RIMKLB: variants seen among roughly 807,000 people sequenced by gnomAD.
RIMKLB encodes the protein beta-citrylglutamate synthase B.
RIMKLB carries 7 observed loss-of-function variants against 32.0 expected under a neutral mutation model. The observed-to-expected ratio is 0.22, with a 90% confidence interval of 0.12 to 0.41. RIMKLB has a LOEUF of 0.41. Among genes scored for constraint, RIMKLB ranks in the 10% least tolerant of loss-of-function variants. The pLI is 1.00. For synonymous variants in RIMKLB, 172 were observed against 185.1 expected (o/e 0.93, Z 0.57); for missense variants, 289 against 498.7 (o/e 0.58, Z 4.00).
chr12:8,775,892 A>C lies in RIMKLB; in HGVS notation c.*2108A>C. 1 of 985,212 alleles carries C rather than the reference A, an allele frequency of 1.0e-6. No individual in the cohort carries two copies. The highest frequency in any genetic ancestry group is 1.2e-6 in the Non-Finnish European group (1 of 829,740). 61.0% of individuals were successfully genotyped at this position (985,212 alleles called of 1,614,324 possible). Reference sequence around the variant, plus strand: ...CAGGGTAAATGGGGGACTCACATACATATATTAATACCTCTGACTCATTAA... The same window carrying C: ...CAGGGTAAATGGGGGACTCACATACCTATATTAATACCTCTGACTCATTAA... On this transcript the variant is annotated 3_prime_UTR_variant, in exon 6 of 6. Transcript: ENST00000535829.
chr12:8,732,756 T>TATACACACACACACACACAC (rs1213499853), intron 2 of RIMKLB, among the ~76,000 whole-genome samples: 2 of 150,048 alleles, frequency 1.3e-5, no homozygotes, highest in African/African-American at 5.0e-5. Context: ...TATATATATA[T>TATACACACACACACACACAC]ACACACACAC....
chr12:8,738,108 T>C (rs1169700781), intron 2 of RIMKLB, among the ~76,000 whole-genome samples: 5 of 152,160 alleles, frequency 3.3e-5, no homozygotes, highest in Non-Finnish European at 4.4e-5. Context: ...ATTGTCAGGG[T>C]TAGGGACAGT....
downstream of RIMKLB, chr12:8,779,174 A>G (rs899353981): frequency 5.3e-5 from 8 of 152,242 alleles, no homozygotes; most frequent in Non-Finnish European, 1.0e-4. Context: ...ATGTGATTGT[A>G]TAAGGCATGG....
Position 8,752,039 on chromosome 12 carries a change from C to T in RIMKLB, c.489C>T (p.His163=), listed in dbSNP as rs1948658866. ...TGGTAGTAAAGAATACGCGGGGTCA[C>T]AGAGGTATGTATGAGTTGTTGGTAA... ...FPMVVKNTRG[H]RGKAVFLARD... Residue 163 remains histidine (H), a synonymous_variant, in exon 4 of 6, where the codon CAC becomes CAT. Transcript: ENST00000535829. The T allele has an allele frequency of 1.3e-6, 2 of 1,595,156 alleles. No homozygotes were observed. Among genetic ancestry groups the T allele is most frequent in the Admixed American group, 3.3e-5 (2 of 59,860 alleles).
downstream of RIMKLB, chr12:8,777,588 A>C (rs1178294877): frequency 7.8e-7 from 1 of 1,288,090 alleles, no homozygotes; most frequent in Non-Finnish European, 1.0e-6. Flanking sequence ...GTTCTTTACC[A>C]GCCTTTTCAG....
upstream of RIMKLB, among the ~76,000 whole-genome samples, chr12:8,693,457 C>T (rs1643023862): frequency 6.7e-6 from 1 of 150,316 alleles, no homozygotes; most frequent in South Asian, 2.1e-4. Flanking sequence ...AGTGCAGTGG[C>T]ACTATCTCAG....
chr12:8,752,066 G>C, intron 4 of RIMKLB, 23 bp downstream of exon 4: 1 of 1,466,480 alleles, frequency 6.8e-7, no homozygotes. Flanking sequence ...TGTTGGTAAG[G>C]TATATAGTTT....
chr12:8,683,249 A>G (rs1234786072), intron 1 of RIMKLB, among the ~76,000 whole-genome samples: 1 of 152,196 alleles, frequency 6.6e-6, no homozygotes, highest in Admixed American at 6.5e-5. Flanking sequence ...TGTGGGCACT[A>G]AGTTTCCTCT....
downstream of RIMKLB, chr12:8,777,249 A>G (rs1252618416): frequency 4.3e-6 from 4 of 938,970 alleles, no homozygotes; most frequent in Non-Finnish European, 5.0e-6. Flanking sequence ...TTCTTCTTAA[A>G]AAAACAAAAC....
At chr12:8,707,490 A>G (rs926507575) in intron 1 of RIMKLB, among the ~76,000 whole-genome samples, 2 of 152,218 alleles carry the variant, frequency 1.3e-5, no homozygotes, top group African/African-American at 2.4e-5. Flanking sequence ...GTGTTCAGCT[A>G]TCTGGAAGCA....
chr12:8,742,765 A>G (rs1947683218), intron 2 of RIMKLB: 1 of 224,546 alleles, frequency 4.5e-6, no homozygotes, highest in Admixed American at 5.0e-5. Context: ...TCACTAACCA[A>G]GTCCAGGCAG....
At chr12:8,756,684 C>CTTTTTTTT (rs145312687) in intron 5 of RIMKLB, among the ~76,000 whole-genome samples, 135 of 90,978 alleles carry the variant, frequency 1.5e-3, no homozygotes, top group African/African-American at 1.8e-3. Flanking sequence ...TTACTTTCTA[C>CTTTTTTTT]TTTTTTTTTT....
intron 1 of RIMKLB, among the ~76,000 whole-genome samples, chr12:8,704,094 GTT>G (rs1205627642): frequency 3.9e-5 from 6 of 152,150 alleles, no homozygotes; most frequent in Non-Finnish European, 7.4e-5. Context: ...TGTAGAAAGT[GTT>G]TTATGGGTCG....
In RIMKLB at chr12:8,730,138, T is replaced by C. The variant is rs1245622784; in HGVS notation, c.175+16097T>C. Among the ~76,000 whole-genome samples the C allele has an allele frequency of 4.6e-5, 7 of 152,128 alleles. No homozygotes were observed. The East Asian group carries it at 1.3e-3, about 29-fold the overall frequency. ...TCTCACTCTGTCACCCAGGCTGGAG[T>C]ACAATGTTGCAGTCATAGCTCACTG... On this transcript the variant is annotated intron_variant, in intron 2 of 5. Coordinates refer to ENST00000535829, the MANE Select transcript of RIMKLB (RefSeq NM_001297776.2).
At chr12:8,717,085 T>C in intron 2 of RIMKLB, among the ~76,000 whole-genome samples, 1 of 150,238 alleles carries the variant, frequency 6.7e-6, no homozygotes, top group Non-Finnish European at 1.5e-5. Flanking sequence ...TTTTTTTACA[T>C]TTTTTATGTA....
downstream of RIMKLB, among the ~76,000 whole-genome samples, chr12:8,780,993 A>G (rs1354692199): frequency 6.6e-6 from 1 of 152,212 alleles, no homozygotes; most frequent in Non-Finnish European, 1.5e-5. Context: ...GTAAATCTGA[A>G]TGTTTTTAAT....
chr12:8,719,219 T>A (rs1945189791), intron 2 of RIMKLB, among the ~76,000 whole-genome samples: 1 of 152,188 alleles, frequency 6.6e-6, no homozygotes, highest in African/African-American at 2.4e-5. Flanking sequence ...TTTTTCCACG[T>A]CTTTTCCTGG....
chr12:8,772,517 G>A (rs755799061), intron 5 of RIMKLB, among the ~76,000 whole-genome samples: 1 of 152,222 alleles, frequency 6.6e-6, no homozygotes, highest in African/African-American at 2.4e-5. Flanking sequence ...TTTAATTCAC[G>A]GGCCAGTCTT....
intron 2 of RIMKLB, among the ~76,000 whole-genome samples, chr12:8,736,142 G>A (rs1946983117): frequency 6.6e-6 from 1 of 152,154 alleles, no homozygotes; most frequent in Admixed American, 6.6e-5. Flanking sequence ...GTTTTGGAGT[G>A]GAAAACCATT....
Sources: allele counts gnomAD v4.1 joint callset (sites outside exome capture counted in the v4.1 genomes callset), GRCh38; gene constraint gnomAD v4.1.1; transcripts MANE v1.5; gene names NCBI Gene and HGNC (gene_info 2026-07-23, HGNC 2026-07-21).